Variants in SLC12A7 observed in about 807,000 individuals in gnomAD.
SLC12A7 encodes the protein solute carrier family 12 member 7.
Under a neutral mutation model 120.6 loss-of-function variants are expected in SLC12A7, and 100 were observed. The observed-to-expected ratio is 0.83, with a 90% confidence interval of 0.71 to 0.98. The LOEUF (loss-of-function observed/expected upper bound fraction) is 0.98. Among genes scored for constraint, SLC12A7 ranks in the 50% least tolerant of loss-of-function variants. The pLI, the probability that SLC12A7 is intolerant of heterozygous loss-of-function variation, is 0.00. For missense variants in SLC12A7, 1,373 were observed against 1,548.1 expected (o/e 0.89, Z 1.90); for synonymous variants, 760 against 678.0 (o/e 1.12, Z -1.88).
At chr5:1,080,205 T>TGCCCCC in intron 9 of SLC12A7, among the ~76,000 whole-genome samples, 1 of 34,358 alleles carries the variant, frequency 2.9e-5, no homozygotes, top group African/African-American at 9.2e-5. Context: ...GCAGAGGCTC[T>TGCCCCC]ACCCCCACGC....
chr5:1,050,993 T>C lies in SLC12A7; in HGVS notation c.*1367A>G, dbSNP rs533863516. 1.8e-5 allele frequency: 7 copies of C among 398,596 alleles called. No homozygotes were observed. The highest frequency in any genetic ancestry group is 8.2e-5 in the African/African-American group (4 of 48,744). 24.7% of individuals were successfully genotyped at this position (398,596 alleles called of 1,614,324 possible). On this transcript the variant is annotated 3_prime_UTR_variant, in exon 24 of 24. Coordinates refer to ENST00000264930, the MANE Select transcript of SLC12A7 (RefSeq NM_006598.3). The stretch of plus-strand genomic sequence containing the variant: ...CTGGCCATCTGGGGCCTCTAGTATA[T>C]AGAAGCAACCTCTTTATGGACAACC...
intron 21 of SLC12A7, among the ~76,000 whole-genome samples, chr5:1,059,280 C>T (rs115853686): frequency 0.011 from 1,659 of 152,326 alleles, 17 homozygotes; most frequent in Admixed American, 0.022. Flanking sequence ...CAGCTCCACA[C>T]GCCTTTCTCT....
chr5:1,054,891 T>C (rs2150775216), intron 22 of SLC12A7, among the ~76,000 whole-genome samples: 1 of 152,312 alleles, frequency 6.6e-6, no homozygotes, highest in Middle Eastern at 3.4e-3. Context: ...GCCAGGAACT[T>C]GGAACTTTGA....
chr5:1,112,039 C>T lies in SLC12A7; in HGVS notation c.-48G>A, dbSNP rs779059788. 2 of 1,217,386 alleles carry T rather than the reference C, an allele frequency of 1.6e-6. No homozygotes were observed. Among genetic ancestry groups the T allele is most frequent in the South Asian group, 7.8e-5 (2 of 25,730 alleles). The allele number at this position is 1,217,386 out of a possible 1,614,324, so 75.4% of individuals were successfully genotyped here. On this transcript the variant is annotated 5_prime_UTR_variant, in exon 1 of 24. Transcript: ENST00000264930. Reference sequence around the variant, plus strand: ...CCGTCCCGGCCCGGCCCGCGCTGCGCCGCTCCCGCCGACGCCACGGGACTT... The same window carrying T: ...CCGTCCCGGCCCGGCCCGCGCTGCGTCGCTCCCGCCGACGCCACGGGACTT...
At chr5:1,154,899 C>T in the SLC12A7 span, among the ~76,000 whole-genome samples, 540 of 152,322 alleles carry the variant, frequency 3.5e-3, 4 homozygotes, top group African/African-American at 0.013. Flanking sequence ...ACCCAGGTCC[C>T]ACGAGAGAGT....
chr5:1,153,326 T>G, the SLC12A7 span, among the ~76,000 whole-genome samples: 1 of 152,158 alleles, frequency 6.6e-6, no homozygotes, highest in African/African-American at 2.4e-5. Context: ...CCATCCAGGA[T>G]TAAGGCAACA....
intron 1 of SLC12A7, among the ~76,000 whole-genome samples, chr5:1,096,968 G>A (rs1003442086): frequency 1.3e-5 from 2 of 152,058 alleles, no homozygotes; most frequent in African/African-American, 4.8e-5. Flanking sequence ...TCCCTCCCAC[G>A]CAGCCAACCC....
In SLC12A7 at chr5:1,074,585, G is replaced by A; in HGVS notation, c.2054C>T (p.Pro685Leu). Reference protein sequence around the residue: ...YALLRVEHGPPHTKNWRPQVL... With the variant: ...YALLRVEHGPLHTKNWRPQVL... ...TGCTCACCTCCAGTTCTTGGTGTGG[G>A]GGGGACCGTGCTCCACGCGCAGCAG... The change falls in exon 16 of 24, where the codon CCC (proline) becomes CTC (leucine). Residue 685 changes from proline (P) to leucine (L), a missense_variant. Coordinates refer to ENST00000264930, the MANE Select transcript of SLC12A7 (RefSeq NM_006598.3). The A allele has an allele frequency of 6.2e-7, 1 of 1,612,592 alleles. No homozygotes were observed. The highest frequency in any genetic ancestry group is 1.1e-5 in the South Asian group (1 of 91,048).
chr5:1,077,513 T>C (rs1738496444), intron 12 of SLC12A7, among the ~76,000 whole-genome samples: 1 of 152,106 alleles, frequency 6.6e-6, no homozygotes, highest in African/African-American at 2.4e-5. Context: ...GAGAAAGATG[T>C]GGCAGGCAGG....
At chr5:1,143,527 C>A in the SLC12A7 span, among the ~76,000 whole-genome samples, 1 of 152,108 alleles carries the variant, frequency 6.6e-6, no homozygotes. Context: ...CCTCATTTAA[C>A]CTTAAGTCCC....
chr5:1,087,101 C>G (rs1020089843), intron 5 of SLC12A7, 68 bp from the exon 6 acceptor site: 51 of 1,510,712 alleles, frequency 3.4e-5, no homozygotes, highest in Non-Finnish European at 4.3e-5. Context: ...GTGCGGTCTG[C>G]GCTGCCATTC....
Position 1,089,036 on chromosome 5 carries a change from C to T in SLC12A7, c.435G>A (p.Val145=). 6.2e-7 allele frequency: 1 copy of T among 1,613,096 alleles called. No homozygotes were observed. The highest frequency in any genetic ancestry group is 8.5e-7 in the Non-Finnish European group (1 of 1,179,984). Residue 145 remains valine, a synonymous_variant, in exon 4 of 24, where the codon GTG becomes GTA. Coordinates refer to ENST00000264930, the MANE Select transcript of SLC12A7 (RefSeq NM_006598.3). The part of the protein sequence containing the change: ...VILFLRLTWI[V]GVAGVLESFL... Reference sequence around the variant, plus strand: ...AGGACTCCAGGACACCAGCCACCCCCACGATCCACGTCAGGCGCAGGAAGA... The same window carrying T: ...AGGACTCCAGGACACCAGCCACCCCTACGATCCACGTCAGGCGCAGGAAGA...
the SLC12A7 span, among the ~76,000 whole-genome samples, chr5:1,154,734 G>C: frequency 1.3e-5 from 2 of 152,268 alleles, no homozygotes; most frequent in Non-Finnish European, 2.9e-5. Context: ...CCCCACACAC[G>C]TGAGCTGGGT....
At chr5:1,061,668 G>A (rs918718249) in intron 20 of SLC12A7, among the ~76,000 whole-genome samples, 5 of 152,252 alleles carry the variant, frequency 3.3e-5, no homozygotes, top group Non-Finnish European at 5.9e-5. Flanking sequence ...CAGCACACCA[G>A]ATCAGGTGCG....
At chr5:1,139,821 G>T in the SLC12A7 span, among the ~76,000 whole-genome samples, 1 of 152,180 alleles carries the variant, frequency 6.6e-6, no homozygotes, top group African/African-American at 2.4e-5. Context: ...GGGCCACTAC[G>T]TCCCCACGGT....
chr5:1,101,615 C>A (rs1462732406), intron 1 of SLC12A7, among the ~76,000 whole-genome samples: 1 of 151,804 alleles, frequency 6.6e-6, no homozygotes, highest in Non-Finnish European at 1.5e-5. Context: ...TTTTTCTCGT[C>A]TTATTTTTTC....
chr5:1,064,804 C>CA (rs1736773892), intron 18 of SLC12A7, among the ~76,000 whole-genome samples: 1 of 114,158 alleles, frequency 8.8e-6, no homozygotes. Flanking sequence ...GAGGAGACGG[C>CA]GAGGGGACAG....
At chr5:1,083,578 G>A (rs912976995) in intron 8 of SLC12A7, among the ~76,000 whole-genome samples, 167 bp downstream of exon 8, 13 of 152,228 alleles carry the variant, frequency 8.5e-5, no homozygotes, top group African/African-American at 3.1e-4. Context: ...CTCTGCCAGG[G>A]GTGTGTACAG....
At chr5:1,079,063 G>A (rs917410020) in intron 10 of SLC12A7, among the ~76,000 whole-genome samples, 1 of 152,146 alleles carries the variant, frequency 6.6e-6, no homozygotes, top group Non-Finnish European at 1.5e-5. Context: ...GACAATGCTC[G>A]GCTGGAAAGA....
Sources: allele counts gnomAD v4.1 joint callset (sites outside exome capture counted in the v4.1 genomes callset), GRCh38; gene constraint gnomAD v4.1.1; transcripts MANE v1.5; gene names NCBI Gene and HGNC (gene_info 2026-07-23, HGNC 2026-07-21).